The following MAGI1 variants were observed in gnomAD, a reference collection of about 807,000 sequenced individuals.
MAGI1 encodes membrane-associated guanylate kinase, WW and PDZ domain-containing protein 1.
A neutral mutation model predicts 139.9 loss-of-function variants in MAGI1; 58 were observed. The observed-to-expected ratio is 0.41, with a 90% CI of 0.34 to 0.52. The LOEUF is 0.52. Ranked by LOEUF, MAGI1 falls within the 20% of genes least tolerant of loss-of-function variation. The pLI, the probability that MAGI1 is intolerant of heterozygous loss-of-function variation, is 0.12. For synonymous variants in MAGI1, 812 were observed against 737.9 expected, an observed-to-expected ratio of 1.10 and a Z score of -1.63; for missense variants, 1,874 against 1,901.6, an observed-to-expected ratio of 0.99 and a Z score of 0.27.
intron 1 of MAGI1, among the ~76,000 whole-genome samples, chr3:65,744,389 A>G (rs989962590): frequency 1.6e-4 from 25 of 152,254 alleles, no homozygotes; most frequent in Admixed American, 2.6e-4. Context: ...GGCCCAAAGT[A>G]TAACTGGCAC....
In MAGI1 at chr3:65,656,915, T is replaced by C. The variant is rs116278043; in HGVS notation, c.314-34827A>G. 3.7e-3 allele frequency among the ~76,000 whole-genome samples: 536 copies of C among 143,896 alleles called. 1 individual carries two copies. The highest frequency in any genetic ancestry group is 0.013 in the African/African-American group (491 of 37,984). The allele number at this position is 143,896 out of a possible 152,430, so 94.4% of individuals were successfully genotyped here. A position where few individuals can be genotyped will look rare whatever the true frequency, so the allele number is the denominator to read the frequency against. On this transcript the variant is annotated intron_variant, in intron 1 of 22. Coordinates refer to ENST00000402939, the MANE Select transcript of MAGI1 (RefSeq NM_001033057.2). ...CGGGAGGCTGAGGCAGCAGAATTAC[T>C]TGAACAGTGAGCCAAGATCACTCCA...
intron 12 of MAGI1, among the ~76,000 whole-genome samples, chr3:65,427,360 T>C (rs923172976): frequency 1.3e-4 from 20 of 152,106 alleles, no homozygotes; most frequent in Admixed American, 9.2e-4. Context: ...CTATAATCAG[T>C]TGTTTGCTGG....
intron 2 of MAGI1, among the ~76,000 whole-genome samples, chr3:65,607,249 T>A (rs1343222992): frequency 2.0e-5 from 3 of 151,742 alleles, no homozygotes; most frequent in Admixed American, 1.3e-4. Flanking sequence ...TACCCCAGTC[T>A]CTTGCAGAGA....
At chr3:66,030,456 C>T (rs2068529016) in intron 1 of MAGI1, among the ~76,000 whole-genome samples, 1 of 152,164 alleles carries the variant, frequency 6.6e-6, no homozygotes, top group East Asian at 1.9e-4. Flanking sequence ...ACATTCCTGC[C>T]ATCTCAGAGC....
chr3:65,443,035 C>G (rs1008671296), intron 7 of MAGI1, among the ~76,000 whole-genome samples, 186 bp from the exon 8 acceptor site: 1 of 150,946 alleles, frequency 6.6e-6, no homozygotes, highest in East Asian at 1.9e-4. Flanking sequence ...TCTACATGAA[C>G]AGCATTTCTT....
chr3:65,848,207 A>G (rs1385560001), intron 1 of MAGI1, among the ~76,000 whole-genome samples: 2 of 152,226 alleles, frequency 1.3e-5, no homozygotes, highest in Admixed American at 1.3e-4. Context: ...AATGGTGAAC[A>G]TGGGGAACTG....
At chr3:65,906,526 T>C (rs1364694483) in intron 1 of MAGI1, among the ~76,000 whole-genome samples, 1 of 152,166 alleles carries the variant, frequency 6.6e-6, no homozygotes, top group Non-Finnish European at 1.5e-5. Context: ...AAAGTCAATG[T>C]TTTCATTAAA....
intron 1 of MAGI1, among the ~76,000 whole-genome samples, chr3:65,829,535 G>A (rs2108288689): frequency 6.6e-6 from 1 of 152,292 alleles, no homozygotes; most frequent in South Asian, 2.1e-4. Context: ...ATATCTGCTG[G>A]TGCCTTGATC....
intron 1 of MAGI1, among the ~76,000 whole-genome samples, chr3:65,842,227 C>A (rs1336067323): frequency 6.6e-6 from 1 of 152,126 alleles, no homozygotes; most frequent in Non-Finnish European, 1.5e-5. Context: ...ACAATACCAT[C>A]TTTTTGTAAC....
chr3:65,962,090 C>T (rs2064458824), intron 1 of MAGI1, among the ~76,000 whole-genome samples: 1 of 150,302 alleles, frequency 6.7e-6, no homozygotes, highest in Non-Finnish European at 1.5e-5. Context: ...CATATTTGGA[C>T]TGTTTGTTCT....
chr3:65,956,011 T>C (rs1313722713), intron 1 of MAGI1, among the ~76,000 whole-genome samples: 1 of 151,886 alleles, frequency 6.6e-6, no homozygotes, highest in Non-Finnish European at 1.5e-5. Context: ...GCCGAAGGAG[T>C]GTTTATGGTT....
chr3:65,780,215 T>C (rs2038817973), intron 1 of MAGI1, among the ~76,000 whole-genome samples: 1 of 152,128 alleles, frequency 6.6e-6, no homozygotes, highest in South Asian at 2.1e-4. Context: ...GTAGTGACTG[T>C]GTTTTGCCAT....
At chr3:65,530,684 TAC>T (rs1407736746) in intron 2 of MAGI1, among the ~76,000 whole-genome samples, 4 of 143,052 alleles carry the variant, frequency 2.8e-5, no homozygotes, top group Non-Finnish European at 6.0e-5. Flanking sequence ...CATATATATA[TAC>T]GTGTATATAT....
At chr3:65,710,406 G>A (rs1180467769) in intron 1 of MAGI1, among the ~76,000 whole-genome samples, 1 of 149,488 alleles carries the variant, frequency 6.7e-6, no homozygotes, top group African/African-American at 2.5e-5. Flanking sequence ...TCAGCCTCCT[G>A]AGTAGCTGGG....
At chr3:65,580,495 G>C (rs549861281) in intron 2 of MAGI1, among the ~76,000 whole-genome samples, 1 of 152,212 alleles carries the variant, frequency 6.6e-6, no homozygotes, top group African/African-American at 2.4e-5. Flanking sequence ...AACAACTTTT[G>C]CAGAATAAAA....
chr3:65,479,285 A>G (rs1009042741), intron 3 of MAGI1, among the ~76,000 whole-genome samples: 1 of 152,042 alleles, frequency 6.6e-6, no homozygotes. Context: ...AGGACAGTAA[A>G]CCCCACGTGG....
chr3:65,686,355 G>A (rs1234534940), intron 1 of MAGI1, among the ~76,000 whole-genome samples: 4 of 152,116 alleles, frequency 2.6e-5, no homozygotes, highest in East Asian at 1.9e-4. Context: ...GCAGTGGCAC[G>A]ATCTCGGCTC....
chr3:65,813,445 T>C (rs2041409641), intron 1 of MAGI1, among the ~76,000 whole-genome samples: 2 of 152,076 alleles, frequency 1.3e-5, no homozygotes, highest in South Asian at 2.1e-4. Flanking sequence ...AAAATGACCA[T>C]TAAGAAACAA....
intron 1 of MAGI1, among the ~76,000 whole-genome samples, chr3:65,961,556 C>A (rs2064424111): frequency 2.0e-5 from 3 of 152,124 alleles, no homozygotes; most frequent in African/African-American, 7.2e-5. Context: ...TAGAAAGACC[C>A]TTAAATATGC....
Sources: allele counts gnomAD v4.1 joint callset (sites outside exome capture counted in the v4.1 genomes callset), GRCh38; gene constraint gnomAD v4.1.1; transcripts MANE v1.5; gene names NCBI Gene and HGNC (gene_info 2026-07-23, HGNC 2026-07-21).